PLCL1: variants seen among roughly 807,000 people sequenced by gnomAD.
PLCL1 encodes the protein inactive phospholipase C-like protein 1.
In PLCL1, 41 loss-of-function variants were observed where a neutral mutation model predicts 84.4. The observed-to-expected ratio is 0.49, with a 90% CI of 0.38 to 0.63. The LOEUF is 0.63. PLCL1 is among the 30% of genes least tolerant of loss of function. The pLI is 0.00. For synonymous variants in PLCL1, 490 were observed against 488.3 expected, an observed-to-expected ratio of 1.00 and a Z score of -0.05; for missense variants, 1,206 against 1,367.8, an observed-to-expected ratio of 0.88 and a Z score of 1.87.
chr2:197,885,609 A>G (rs1317289625), intron 1 of PLCL1, among the ~76,000 whole-genome samples: 1 of 152,220 alleles, frequency 6.6e-6, no homozygotes, highest in Non-Finnish European at 1.5e-5. Context: ...GGTCCCGTCA[A>G]GTTGACACAA....
At chr2:198,031,085 TC>T (rs1250344763) in intron 1 of PLCL1, among the ~76,000 whole-genome samples, 1 of 152,002 alleles carries the variant, frequency 6.6e-6, no homozygotes, top group African/African-American at 2.4e-5. Flanking sequence ...AATAAATATT[TC>T]CTGGCCAGGC....
intron 1 of PLCL1, among the ~76,000 whole-genome samples, chr2:197,960,249 A>G (rs1468400835): frequency 6.6e-6 from 1 of 152,096 alleles, no homozygotes; most frequent in East Asian, 1.9e-4. Flanking sequence ...AGATAAAAAG[A>G]TGGAGGAACA....
At chr2:197,962,020 T>A (rs1689633879) in intron 1 of PLCL1, among the ~76,000 whole-genome samples, 1 of 152,188 alleles carries the variant, frequency 6.6e-6, no homozygotes, top group Middle Eastern at 3.4e-3. Context: ...GTATATGGCA[T>A]AGTATACAGT....
rs1687490726 is a variant in PLCL1, at chr2:197,864,399, AC to A, written c.240+59061del. ...GTTTCATTTATTTTTTAAGGGGTGA[AC>A]TCTCTTTGTTAAGTATAATTTCTAT... On this transcript the variant is annotated intron_variant, in intron 1 of 5. Transcript: ENST00000428675. Among the ~76,000 whole-genome samples, 5 of 149,136 alleles carry A rather than the reference AC, an allele frequency of 3.4e-5. No individual in the cohort carries two copies. In the South Asian group the frequency reaches 1.1e-3, roughly 32 times the overall value.
intron 1 of PLCL1, among the ~76,000 whole-genome samples, chr2:197,935,365 C>T (rs1183007073): frequency 6.6e-6 from 1 of 152,108 alleles, no homozygotes; most frequent in Non-Finnish European, 1.5e-5. Flanking sequence ...ACCTAAATGC[C>T]CATCAGTGGT....
chr2:197,930,724 G>A (rs1041816981), intron 1 of PLCL1, among the ~76,000 whole-genome samples: 11 of 152,078 alleles, frequency 7.2e-5, no homozygotes, highest in African/African-American at 2.4e-4. Context: ...TCATCTGCCT[G>A]CATAATTTTC....
chr2:198,008,729 T>A (rs1690793320), intron 1 of PLCL1, among the ~76,000 whole-genome samples: 1 of 152,030 alleles, frequency 6.6e-6, no homozygotes, highest in Non-Finnish European at 1.5e-5. Flanking sequence ...ACAAATGGGA[T>A]TGTTGGATCA....
intron 3 of PLCL1, 151 bp from the exon 4 acceptor site, chr2:198,101,134 C>T (rs970687422): frequency 3.1e-6 from 2 of 638,598 alleles, no homozygotes; most frequent in Non-Finnish European, 5.6e-6. Context: ...GGGGTTGGAA[C>T]AGAGCTTATC....
At chr2:197,984,408 T>A (rs1476727352) in intron 1 of PLCL1, among the ~76,000 whole-genome samples, 3 of 151,924 alleles carry the variant, frequency 2.0e-5, no homozygotes, top group Non-Finnish European at 2.9e-5. Flanking sequence ...TCTTCAATAG[T>A]GACTGGCTCT....
chr2:198,106,709 C>T (rs1203225934), intron 5 of PLCL1, among the ~76,000 whole-genome samples: 1 of 151,876 alleles, frequency 6.6e-6, no homozygotes, highest in Non-Finnish European at 1.5e-5. Flanking sequence ...ATCAATTGTT[C>T]AGCACTTATT....
chr2:197,810,647 G>A (rs1224747502), intron 1 of PLCL1, among the ~76,000 whole-genome samples: 1 of 152,136 alleles, frequency 6.6e-6, no homozygotes, highest in East Asian at 1.9e-4. Context: ...GGAGACAGCC[G>A]ACCTTACCTT....
chr2:198,126,065 T>G (rs936817253), intron 5 of PLCL1, among the ~76,000 whole-genome samples: 2 of 152,124 alleles, frequency 1.3e-5, no homozygotes, highest in South Asian at 2.1e-4. Context: ...ATATAATTCT[T>G]TAATTTGTTT....
intron 1 of PLCL1, among the ~76,000 whole-genome samples, chr2:197,827,250 G>A (rs781702261): frequency 6.6e-5 from 10 of 152,086 alleles, no homozygotes; most frequent in Non-Finnish European, 1.3e-4. Flanking sequence ...CTTTACGTGG[G>A]TCAGGAGGCC....
At chr2:198,019,136 A>G (rs1691072598) in intron 1 of PLCL1, among the ~76,000 whole-genome samples, 1 of 152,218 alleles carries the variant, frequency 6.6e-6, no homozygotes, top group African/African-American at 2.4e-5. Context: ...CCTGCAGCAA[A>G]GGGGCCTGAC....
chr2:197,858,788 A>T (rs1270758272), intron 1 of PLCL1, among the ~76,000 whole-genome samples: 2 of 152,162 alleles, frequency 1.3e-5, no homozygotes, highest in Non-Finnish European at 2.9e-5. Context: ...TCAGCCCTTC[A>T]GCCTGGGCTC....
rs780072812 is a variant in PLCL1 at position 198,084,703 on chromosome 2, G to A, written c.1186G>A (p.Val396Ile). 1.9e-6 allele frequency: 3 copies of A among 1,613,834 alleles called. No homozygotes were observed. The highest frequency in any genetic ancestry group is 2.2e-5 in the South Asian group (2 of 91,070). Residue 396 changes from valine to isoleucine, a missense_variant, in exon 2 of 6, where the codon GTT becomes ATT. By Grantham distance (29) the Val-to-Ile change is conservative. Transcript: ENST00000428675. ...CDIFDPEQKK[V>I]AQDMTQPLSH... ...CATTTTTGATCCTGAGCAAAAGAAG[G>A]TTGCCCAAGATATGACCCAGCCATT...
At position 197,879,427 on chromosome 2, in the gene PLCL1, G is replaced by A. The variant is rs190339508; in HGVS notation, c.240+74088G>A. On this transcript the variant is annotated intron_variant, in intron 1 of 5. Coordinates refer to ENST00000428675, the MANE Select transcript of PLCL1 (RefSeq NM_006226.4). ...TGTGTATCAGAGCTGGTCTGAAGCTGTAATTACAGTAGTGCTGTAACTAAC... is the reference window on the plus strand; with the variant it reads ...TGTGTATCAGAGCTGGTCTGAAGCTATAATTACAGTAGTGCTGTAACTAAC... Among the ~76,000 whole-genome samples, 9 of 152,272 alleles carry A rather than the reference G, an allele frequency of 5.9e-5. No individual in the cohort carries two copies. In the East Asian group the frequency reaches 1.5e-3, roughly 26 times the overall value.
intron 1 of PLCL1, among the ~76,000 whole-genome samples, chr2:197,868,716 T>TA (rs1446115096): frequency 6.6e-6 from 1 of 151,168 alleles, no homozygotes; most frequent in African/African-American, 2.4e-5. Context: ...TTTTTTTTTT[T>TA]AGTAGAGATA....
chr2:198,102,288 T>C (rs114476039), intron 4 of PLCL1, among the ~76,000 whole-genome samples: 8 of 152,186 alleles, frequency 5.3e-5, no homozygotes, highest in African/African-American at 1.9e-4. Context: ...GCTTTACCTC[T>C]GTCCCATGAG....
Sources: allele counts gnomAD v4.1 joint callset (sites outside exome capture counted in the v4.1 genomes callset), GRCh38; gene constraint gnomAD v4.1.1; transcripts MANE v1.5; gene names NCBI Gene and HGNC (gene_info 2026-07-23, HGNC 2026-07-21).